COL6A6: variants seen among roughly 807,000 people sequenced by gnomAD.
COL6A6 encodes collagen type VI alpha 6 chain, also known as collagen alpha-6(VI) chain.
Under a neutral mutation model 208.6 loss-of-function variants are expected in COL6A6, and 183 were observed. The observed-to-expected ratio is 0.88, with a 90% confidence interval of 0.78 to 0.99. COL6A6 has a LOEUF of 0.99. COL6A6 is among the 50% of genes least tolerant of loss of function. COL6A6 has a pLI of 0.00. For missense variants in COL6A6, 2,816 were observed against 2,815.2 expected (o/e 1.00, Z -0.01); for synonymous variants, 973 against 1,011.8 (o/e 0.96, Z 0.73).
rs543510344 is a variant in COL6A6 at position 130,594,353 on chromosome 3, C to A, written c.4533+10C>A. ...CCTGCGAGGGGATCCCGTAAGTGCA[C>A]GGGCTGCAAACTGGAGTTAGGGCTT... is the stretch of plus-strand genomic sequence containing the variant. On this transcript the variant is annotated intron_variant, in intron 18 of 36. Transcript: ENST00000358511. 8.7e-6 allele frequency: 14 copies of A among 1,608,714 alleles called. No homozygotes were observed. Among genetic ancestry groups the A allele is most frequent in the Non-Finnish European group, 1.2e-5 (14 of 1,177,168 alleles).
chr3:130,524,798 T>G (rs73196090), intron 1 of COL6A6, among the ~76,000 whole-genome samples: 53 of 152,342 alleles, frequency 3.5e-4, no homozygotes, highest in Non-Finnish European at 6.6e-4. Flanking sequence ...GACTGCATGA[T>G]TCCATGCCTT....
intron 36 of COL6A6, among the ~76,000 whole-genome samples, chr3:130,665,739 T>C (rs561472963): frequency 6.6e-6 from 1 of 152,316 alleles, no homozygotes; most frequent in Admixed American, 6.5e-5. Flanking sequence ...ATGGTAGAAT[T>C]AGAAAATCAC....
chr3:130,622,209 C>CT (rs1448075501), intron 24 of COL6A6, among the ~76,000 whole-genome samples: 3 of 143,534 alleles, frequency 2.1e-5, no homozygotes, highest in African/African-American at 8.1e-5. Flanking sequence ...GCCTACCCCC[C>CT]CCTTTTTTTT....
At chr3:130,669,913 T>C (rs531040482) in intron 36 of COL6A6, among the ~76,000 whole-genome samples, 90 of 152,290 alleles carry the variant, frequency 5.9e-4, no homozygotes, top group African/African-American at 1.9e-3. Context: ...CCAACCACAA[T>C]CAAATGTGCA....
At chr3:130,639,892 AGGTCTG>A (rs1365972881) in intron 28 of COL6A6, among the ~76,000 whole-genome samples, 2 of 152,118 alleles carry the variant, frequency 1.3e-5, no homozygotes, top group Admixed American at 1.3e-4. Context: ...TGGAGAGTAA[AGGTCTG>A]GCTGCCAGCT....
chr3:130,652,167 C>T (rs1415350147), intron 33 of COL6A6, among the ~76,000 whole-genome samples: 1 of 152,202 alleles, frequency 6.6e-6, no homozygotes, highest in East Asian at 1.9e-4. Context: ...CCCTGCCATA[C>T]ATCAGATATT....
At chr3:130,517,968 A>G (rs1477696583) in intron 1 of COL6A6, among the ~76,000 whole-genome samples, 1 of 152,232 alleles carries the variant, frequency 6.6e-6, no homozygotes, top group Non-Finnish European at 1.5e-5. Flanking sequence ...TCCCAGAAAC[A>G]TTCTACTCTG....
intron 8 of COL6A6, among the ~76,000 whole-genome samples, chr3:130,577,179 C>T (rs2063317512): frequency 6.6e-6 from 1 of 152,118 alleles, no homozygotes; most frequent in African/African-American, 2.4e-5. Context: ...CAACATCTTA[C>T]ATGGTTGGTG....
chr3:130,575,832 C>T (rs2063282055), intron 8 of COL6A6, among the ~76,000 whole-genome samples: 1 of 152,190 alleles, frequency 6.6e-6, no homozygotes, highest in African/African-American at 2.4e-5. Context: ...GAAGATTCCA[C>T]CTCCTGCCCC....
intron 1 of COL6A6, among the ~76,000 whole-genome samples, chr3:130,545,654 A>T (rs1384689345): frequency 6.6e-6 from 1 of 152,028 alleles, no homozygotes. Flanking sequence ...CAGAGGTTTC[A>T]CCATGTTGGC....
chr3:130,541,465 T>G (rs1199637344), intron 1 of COL6A6, among the ~76,000 whole-genome samples: 2 of 152,254 alleles, frequency 1.3e-5, no homozygotes, highest in African/African-American at 4.8e-5. Flanking sequence ...TGCAGGTTTT[T>G]GTGTGGACAT....
rs2066352160 is a variant in COL6A6, at chr3:130,676,086, C to G, written c.*689C>G. On this transcript the variant is annotated 3_prime_UTR_variant, in exon 37 of 37. Transcript: ENST00000358511. ...ACTGCCATTTTGATGGAGCTTGAAG[C>G]CCCCATTTTGATGGACTTCTAGTCT... The G allele has an allele frequency of 6.6e-6, 1 of 152,184 alleles. No homozygotes were observed. Among genetic ancestry groups the G allele is most frequent in the South Asian group, 2.1e-4 (1 of 4,830 alleles). The allele number at this position is 152,184 out of a possible 1,614,324, so 9.4% of individuals were successfully genotyped here. A position where few individuals can be genotyped will look rare whatever the true frequency, so the allele number is the denominator to read the frequency against.
intron 33 of COL6A6, among the ~76,000 whole-genome samples, chr3:130,658,457 A>G (rs965665299): frequency 1.3e-5 from 2 of 152,226 alleles, no homozygotes; most frequent in Admixed American, 6.5e-5. Flanking sequence ...CTTATTTTAC[A>G]GATGAAGAAA....
intron 12 of COL6A6, 50 bp downstream of exon 12, chr3:130,589,232 C>A: frequency 1.5e-6 from 2 of 1,320,694 alleles, no homozygotes; most frequent in Non-Finnish European, 2.2e-6. Context: ...GTATGTCCTT[C>A]AGACATGGGT....
At position 130,649,062 on chromosome 3, in the gene COL6A6, C is replaced by A. The variant is rs765261109; in HGVS notation, c.5240-7C>A. The A allele has an allele frequency of 8.4e-6, 13 of 1,542,318 alleles. No individual in the cohort carries two copies. In the Admixed American group the frequency reaches 1.2e-4, roughly 14 times the overall value. On this transcript the variant is annotated splice_region_variant and splice_polypyrimidine_tract_variant and intron_variant, in intron 32 of 36. Transcript: ENST00000358511. ...GATGCTATGTGTTAAGGGATATGGT[C>A]TTTTAGGAAAACCGGAATGCCCAGT...
At chr3:130,614,202 A>G (rs2064442508) in intron 23 of COL6A6, among the ~76,000 whole-genome samples, 1 of 152,136 alleles carries the variant, frequency 6.6e-6, no homozygotes, top group African/African-American at 2.4e-5. Context: ...TGGTTTGTTG[A>G]GGGTTTTTAA....
At chr3:130,590,061 T>C (rs2063636726) in intron 12 of COL6A6, 1 of 433,434 alleles carries the variant, frequency 2.3e-6, no homozygotes, top group Admixed American at 2.5e-5. Context: ...TTTCTATGTG[T>C]AGCATAAATC....
Position 130,662,184 on chromosome 3 carries a change from C to T in COL6A6, c.6378C>T (p.Asp2126=). 1 of 1,613,954 alleles carries T rather than the reference C, an allele frequency of 6.2e-7. No homozygotes were observed. The highest frequency in any genetic ancestry group is 8.5e-7 in the Non-Finnish European group (1 of 1,179,862). Residue 2126 remains aspartate, a synonymous_variant, in exon 35 of 37, where the codon GAC becomes GAT. Transcript: ENST00000358511. ...TTTCCCTTGGCCCTATTTGGGATGACAAGGAACTGGAGGATCTCGCCAGCC... is the reference window on the plus strand; with the variant it reads ...TTTCCCTTGGCCCTATTTGGGATGATAAGGAACTGGAGGATCTCGCCAGCC... The part of the protein sequence containing the change: ...FVFSLGPIWD[D]KELEDLASHP...
intron 23 of COL6A6, among the ~76,000 whole-genome samples, chr3:130,613,526 T>C (rs1317810502): frequency 6.6e-6 from 1 of 152,204 alleles, no homozygotes; most frequent in Non-Finnish European, 1.5e-5. Flanking sequence ...AATTTTAAAA[T>C]AGTTTTTTTC....
Sources: gnomAD v4.1 joint callset for allele counts (sites outside exome capture counted in the v4.1 genomes callset) on GRCh38, gnomAD v4.1.1 for gene constraint, MANE v1.5 for transcripts, NCBI Gene and HGNC (gene_info 2026-07-23, HGNC 2026-07-21) for gene names.